MAD1L1: variants seen among roughly 807,000 people sequenced by gnomAD.
The protein encoded by MAD1L1 is mitotic spindle assembly checkpoint protein MAD1.
MAD1L1 carries 95 observed loss-of-function variants against 96.9 expected under a neutral mutation model. The observed-to-expected ratio is 0.98, with a 90% confidence interval of 0.83 to 1.16. The LOEUF (loss-of-function observed/expected upper bound fraction) is 1.16, where lower values mean the gene tolerates loss of function less well. Ranked by LOEUF, MAD1L1 falls within the 50% of genes most tolerant of loss-of-function variation. The probability of loss-of-function intolerance (pLI) is 0.00; values close to 1 mark genes in which losing one functional copy is unlikely to be tolerated. For synonymous variants in MAD1L1, 473 were observed against 396.6 expected, an observed-to-expected ratio of 1.19 and a Z score of -2.29; for missense variants, 1,007 against 954.4, an observed-to-expected ratio of 1.06 and a Z score of -0.73.
At chr7:2,218,473 A>G (rs1228028310) in intron 6 of MAD1L1, among the ~76,000 whole-genome samples, 1 of 152,220 alleles carries the variant, frequency 6.6e-6, no homozygotes. Context: ...GAAGGGTCCA[A>G]GTCTGCAGGA....
intron 17 of MAD1L1, among the ~76,000 whole-genome samples, chr7:1,918,648 C>T (rs1469249100): frequency 2.6e-5 from 4 of 152,216 alleles, no homozygotes; most frequent in Admixed American, 2.0e-4. Context: ...TCTAATTACA[C>T]ACCTAATTAA....
chr7:2,046,153 C>A (rs994355749), intron 12 of MAD1L1, among the ~76,000 whole-genome samples: 1 of 152,172 alleles, frequency 6.6e-6, no homozygotes, highest in Non-Finnish European at 1.5e-5. Flanking sequence ...GGTGGTGGCG[C>A]AGGCCCCACG....
intron 11 of MAD1L1, among the ~76,000 whole-genome samples, chr7:2,111,838 C>T (rs953575914): frequency 6.6e-6 from 1 of 152,158 alleles, no homozygotes; most frequent in Non-Finnish European, 1.5e-5. Flanking sequence ...GGATGCTTCC[C>T]GCTGTGGAGA....
rs1039927226 is a variant in MAD1L1, at chr7:1,898,450, G to A, written c.1808-60C>T. On this transcript the variant is annotated intron_variant, in intron 17 of 18. Transcript: ENST00000265854. ...CACCAGGCCGGAGGGGTGGGGACCC[G>A]GGAGCGGCCAGGGCAGGGAGGAAGC... 9.6e-5 allele frequency: 145 copies of A among 1,512,336 alleles called. No homozygotes were observed. The African/African-American group carries it at 1.6e-3, about 17-fold the overall frequency. 93.7% of individuals were successfully genotyped at this position (1,512,336 alleles called of 1,614,324 possible). A position where few individuals can be genotyped will look rare whatever the true frequency, so the allele number is the denominator to read the frequency against.
chr7:2,180,930 T>C (rs753912388), intron 10 of MAD1L1, among the ~76,000 whole-genome samples: 4 of 152,224 alleles, frequency 2.6e-5, no homozygotes, highest in Non-Finnish European at 4.4e-5. Context: ...TCCAGCACAA[T>C]GCTGAACAGA....
chr7:1,847,251 G>T, intron 18 of MAD1L1: 1 of 470,984 alleles, frequency 2.1e-6, no homozygotes, highest in Non-Finnish European at 4.4e-6. Flanking sequence ...TGTTTAGGAA[G>T]CACTGGTTTT....
chr7:1,967,314 C>A (rs1780208480), intron 15 of MAD1L1, among the ~76,000 whole-genome samples: 1 of 152,070 alleles, frequency 6.6e-6, no homozygotes. Context: ...TCAAGTAACT[C>A]AACAGAAAGC....
chr7:2,131,710 C>A (rs902253133), intron 11 of MAD1L1, among the ~76,000 whole-genome samples: 1 of 152,184 alleles, frequency 6.6e-6, no homozygotes, highest in Non-Finnish European at 1.5e-5. Context: ...CAGGCCCACA[C>A]GCCTCCCCAG....
chr7:1,875,606 G>A (rs1449763605), intron 18 of MAD1L1, among the ~76,000 whole-genome samples: 3 of 152,200 alleles, frequency 2.0e-5, no homozygotes, highest in Admixed American at 6.5e-5. Flanking sequence ...GAGGAAAGGC[G>A]GCAAGGTTCC....
intron 10 of MAD1L1, among the ~76,000 whole-genome samples, chr7:2,166,028 C>T (rs1790413189): frequency 6.6e-6 from 1 of 152,326 alleles, no homozygotes; most frequent in South Asian, 2.1e-4. Flanking sequence ...ATTAGGGTCA[C>T]TCATTAAGTG....
chr7:2,103,973 G>T lies in MAD1L1; in HGVS notation c.1074-34635C>A, dbSNP rs1376095232. ...CACATGGCAGAGAATCAAATATGCA[G>T]CCGGTGTCTGGAAATCATTCAATGA... On this transcript the variant is annotated intron_variant, in intron 11 of 18. Transcript: ENST00000265854. The surrounding 1 kb of genome is among the most constrained non-coding windows in gnomAD (Gnocchi z 4.3). 6.6e-6 allele frequency among the ~76,000 whole-genome samples: 1 copy of T among 152,254 alleles called. No individual in the cohort carries two copies. Among genetic ancestry groups the T allele is most frequent in the Non-Finnish European group, 1.5e-5 (1 of 68,044 alleles).
chr7:2,185,782 T>A (rs913671316), intron 10 of MAD1L1, among the ~76,000 whole-genome samples: 7 of 152,234 alleles, frequency 4.6e-5, no homozygotes, highest in Admixed American at 2.6e-4. Context: ...AAAATCGAAA[T>A]AACAGGCGAG....
chr7:2,117,281 C>A (rs1274456050), intron 11 of MAD1L1, among the ~76,000 whole-genome samples: 1 of 152,254 alleles, frequency 6.6e-6, no homozygotes, highest in Non-Finnish European at 1.5e-5. Context: ...GCCAAGTCAA[C>A]CCCTGTGCAA....
At chr7:1,864,697 C>T (rs1052087415) in intron 18 of MAD1L1, among the ~76,000 whole-genome samples, 16 of 152,208 alleles carry the variant, frequency 1.1e-4, no homozygotes, top group Admixed American at 3.3e-4. Flanking sequence ...GGGGCCTAAC[C>T]GGAGGTGTTT....
At chr7:2,111,731 A>C (rs986876502) in intron 11 of MAD1L1, among the ~76,000 whole-genome samples, 2 of 152,202 alleles carry the variant, frequency 1.3e-5, no homozygotes, top group East Asian at 1.9e-4. Context: ...CTGTGGGGGC[A>C]GCTAAGCCCA....
chr7:2,011,567 G>T (rs972430467), intron 13 of MAD1L1, among the ~76,000 whole-genome samples: 1 of 152,176 alleles, frequency 6.6e-6, no homozygotes, highest in Admixed American at 6.5e-5. Context: ...CACAGGCTCC[G>T]CAGGTGACCT....
rs1034598122 is a variant in MAD1L1 at position 2,119,993 on chromosome 7, T to C, written c.1073+29159A>G. 1.3e-5 allele frequency among the ~76,000 whole-genome samples: 2 copies of C among 152,190 alleles called. No homozygotes were observed. Among genetic ancestry groups the C allele is most frequent in the African/African-American group, 4.8e-5 (2 of 41,444 alleles). ...AAGGCATCCCTAGCAATGCCCCAGGTGGAGGAGCCCCAGTTCATGCTCTCC... is the reference window on the plus strand; with the variant it reads ...AAGGCATCCCTAGCAATGCCCCAGGCGGAGGAGCCCCAGTTCATGCTCTCC... On this transcript the variant is annotated intron_variant, in intron 11 of 18. Coordinates refer to ENST00000265854, the MANE Select transcript of MAD1L1 (RefSeq NM_001013836.2). This position sits in a 1 kb window ranked among gnomAD's most constrained non-coding sequence, Gnocchi z 4.6.
At chr7:2,018,718 C>G (rs1327923730) in intron 12 of MAD1L1, among the ~76,000 whole-genome samples, 1 of 152,168 alleles carries the variant, frequency 6.6e-6, no homozygotes, top group Non-Finnish European at 1.5e-5. Flanking sequence ...CGTGCCCCCT[C>G]CAATGAAGCA....
chr7:2,171,247 C>G (rs563057826), intron 10 of MAD1L1, among the ~76,000 whole-genome samples: 1 of 152,348 alleles, frequency 6.6e-6, no homozygotes, highest in South Asian at 2.1e-4. Flanking sequence ...AAGATGAAAA[C>G]ATGGGTGCAG....
Sources: gnomAD v4.1 joint callset for allele counts (sites outside exome capture counted in the v4.1 genomes callset) on GRCh38, gnomAD v4.1.1 for gene constraint, Gnocchi (gnomAD v3.1) non-coding constraint, MANE v1.5 for transcripts, NCBI Gene and HGNC (gene_info 2026-07-23, HGNC 2026-07-21) for gene names.